The following TENM4 variants were observed in gnomAD, a reference collection of about 807,000 sequenced individuals.
The protein encoded by TENM4 is teneurin transmembrane protein 4.
Under a neutral mutation model 243.3 loss-of-function variants are expected in TENM4, and 82 were observed. The observed-to-expected ratio is 0.34, with a 90% CI of 0.28 to 0.40. The LOEUF is 0.40. Among genes scored for constraint, TENM4 ranks in the 10% least tolerant of loss-of-function variants. TENM4 has a pLI of 1.00. For missense variants in TENM4, 3,138 were observed against 3,673.3 expected, an observed-to-expected ratio of 0.85 and a Z score of 3.77; for synonymous variants, 1,412 against 1,456.3, an observed-to-expected ratio of 0.97 and a Z score of 0.69.
chr11:78,947,858 T>G (rs1474341651), intron 6 of TENM4, among the ~76,000 whole-genome samples: 1 of 152,178 alleles, frequency 6.6e-6, no homozygotes, highest in African/African-American at 2.4e-5. Flanking sequence ...AAGGGCCTGT[T>G]TTATCACAAC....
intron 12 of TENM4, among the ~76,000 whole-genome samples, chr11:78,822,921 C>T (rs977998141): frequency 3.9e-5 from 6 of 152,172 alleles, no homozygotes; most frequent in African/African-American, 1.4e-4. Context: ...TTTAACCCTC[C>T]CTGCGGTTCC....
At chr11:79,095,558 C>A (rs540391557) in intron 4 of TENM4, among the ~76,000 whole-genome samples, 1 of 152,290 alleles carries the variant, frequency 6.6e-6, no homozygotes, top group Admixed American at 6.5e-5. Flanking sequence ...AGGCTGACAT[C>A]CAGGCCGGCA....
chr11:79,081,731 A>G (rs1481882575), intron 4 of TENM4, among the ~76,000 whole-genome samples: 1 of 152,110 alleles, frequency 6.6e-6, no homozygotes, highest in Non-Finnish European at 1.5e-5. Context: ...CTCGTGGCTG[A>G]CACAGGTTTC....
At chr11:78,765,154 T>A (rs1856517574) in intron 18 of TENM4, among the ~76,000 whole-genome samples, 1 of 152,210 alleles carries the variant, frequency 6.6e-6, no homozygotes, top group Admixed American at 6.5e-5. Flanking sequence ...TACAATAGTA[T>A]CTGAGGAGGC....
intron 9 of TENM4, among the ~76,000 whole-genome samples, chr11:78,888,803 T>C (rs1855600365): frequency 6.6e-6 from 1 of 152,206 alleles, no homozygotes; most frequent in Non-Finnish European, 1.5e-5. Flanking sequence ...AGAATTATCT[T>C]AGAATTCCTT....
intron 1 of TENM4, among the ~76,000 whole-genome samples, chr11:79,374,256 A>G (rs1857845849): frequency 6.6e-6 from 1 of 152,182 alleles, no homozygotes; most frequent in Non-Finnish European, 1.5e-5. Flanking sequence ...CATAATTAAT[A>G]GCAATACCCG....
At chr11:79,135,689 T>C (rs866338955) in intron 4 of TENM4, among the ~76,000 whole-genome samples, 1 of 136,480 alleles carries the variant, frequency 7.3e-6, no homozygotes, top group African/African-American at 3.5e-5. Flanking sequence ...CATATATGTA[T>C]GATATATATG....
intron 4 of TENM4, among the ~76,000 whole-genome samples, chr11:79,120,814 A>AT (rs1409520734): frequency 6.6e-6 from 1 of 152,250 alleles, no homozygotes; most frequent in African/African-American, 2.4e-5. Context: ...ATAACTTACT[A>AT]TTATATGACA....
chr11:79,433,510 C>A (rs1859209443), intron 1 of TENM4, among the ~76,000 whole-genome samples: 1 of 152,182 alleles, frequency 6.6e-6, no homozygotes, highest in Non-Finnish European at 1.5e-5. Flanking sequence ...GCAAGACCAG[C>A]CTTTCAGAAA....
chr11:79,238,779 C>G (rs541697841), intron 2 of TENM4, among the ~76,000 whole-genome samples: 1 of 152,284 alleles, frequency 6.6e-6, no homozygotes, highest in African/African-American at 2.4e-5. Flanking sequence ...TAATCTAACA[C>G]TTTGTGACGC....
intron 15 of TENM4, among the ~76,000 whole-genome samples, chr11:78,801,234 C>CT (rs1857275393): frequency 6.6e-6 from 1 of 152,132 alleles, no homozygotes; most frequent in African/African-American, 2.4e-5. Context: ...GCTTCCAACT[C>CT]TTTTCTATCT....
chr11:78,944,449 T>C (rs527480099), intron 6 of TENM4, among the ~76,000 whole-genome samples: 10 of 152,200 alleles, frequency 6.6e-5, no homozygotes, highest in Admixed American at 6.5e-4. Context: ...AAACAACAAA[T>C]TGAAGTTTCT....
rs1858863432 is a variant in TENM4, at chr11:78,863,043, C to G, written c.1174G>C (p.Val392Leu). The G allele has an allele frequency of 2.0e-6, 3 of 1,538,290 alleles. No individual in the cohort carries two copies. Among genetic ancestry groups the G allele is most frequent in the African/African-American group, 2.7e-5 (2 of 72,862 alleles). The change falls in exon 10 of 34, where the codon GTG becomes CTG. Residue 392 changes from valine (V) to leucine (L), a missense_variant. Coordinates refer to ENST00000278550, the MANE Select transcript of TENM4 (RefSeq NM_001098816.3). Reference sequence around the variant, plus strand: ...GGGTATAGGGAGACGTCGGTTGGCACAGGCCAACTGCTGGCTGTGTCCTCC... The same window carrying G: ...GGGTATAGGGAGACGTCGGTTGGCAGAGGCCAACTGCTGGCTGTGTCCTCC... ...ITEDTASSWP[V>L]PTDVSLYPSG...
intron 2 of TENM4, among the ~76,000 whole-genome samples, chr11:79,235,333 C>G (rs1325604731): frequency 6.6e-6 from 1 of 151,986 alleles, no homozygotes; most frequent in Non-Finnish European, 1.5e-5. Flanking sequence ...AATGAAGTCT[C>G]CCTGACAAGC....
At chr11:79,439,606 AC>A (rs1176401317) in intron 1 of TENM4, among the ~76,000 whole-genome samples, 10 of 144,112 alleles carry the variant, frequency 6.9e-5, no homozygotes, top group African/African-American at 2.5e-4. Context: ...CACTAGGTGA[AC>A]CCCCCGCCCT....
intron 3 of TENM4, among the ~76,000 whole-genome samples, chr11:79,153,837 CA>C (rs1862553701): frequency 6.6e-6 from 1 of 152,088 alleles, no homozygotes; most frequent in South Asian, 2.1e-4. Flanking sequence ...AGCCCCTGAG[CA>C]GGAAGACTTA....
intron 11 of TENM4, among the ~76,000 whole-genome samples, chr11:78,854,603 G>A (rs189929713): frequency 1.3e-5 from 2 of 152,262 alleles, no homozygotes; most frequent in African/African-American, 4.8e-5. Context: ...TCTTCCCCTG[G>A]CTGAGTCTGT....
At chr11:78,975,136 C>A (rs1857623237) in intron 6 of TENM4, among the ~76,000 whole-genome samples, 1 of 125,580 alleles carries the variant, frequency 8.0e-6, no homozygotes, top group African/African-American at 3.1e-5. Context: ...GCAGGAATGG[C>A]TCAAGAGGGA....
chr11:78,674,370 C>T (rs1394466769), intron 30 of TENM4, among the ~76,000 whole-genome samples: 1 of 152,198 alleles, frequency 6.6e-6, no homozygotes, highest in Non-Finnish European at 1.5e-5. Flanking sequence ...TAGACGTGGC[C>T]ACCCGTCCCA....
Sources: allele counts gnomAD v4.1 joint callset (sites outside exome capture counted in the v4.1 genomes callset), GRCh38; gene constraint gnomAD v4.1.1; transcripts MANE v1.5; gene names NCBI Gene and HGNC (gene_info 2026-07-23, HGNC 2026-07-21).